The following TADA3 variants were observed in gnomAD, a reference collection of about 807,000 sequenced individuals.
The protein encoded by TADA3 is transcriptional adaptor 3, also known as transcriptional adapter 3.
Under a neutral mutation model 43.2 loss-of-function variants are expected in TADA3, and 25 were observed. The ratio of observed to expected loss-of-function variants is 0.58; its 90% CI spans 0.42 to 0.81. The LOEUF is 0.81. TADA3 is among the 30% of genes least tolerant of loss of function. TADA3 has a pLI of 0.00. For synonymous variants in TADA3, 235 were observed against 225.5 expected (o/e 1.04, Z -0.38); for missense variants, 441 against 567.8 (o/e 0.78, Z 2.27).
In TADA3 at chr3:9,787,998, A is replaced by G; in HGVS notation, c.565-658T>C. ...CTTGGTGGGACTGGTCAACACGGCA[A>G]TGAAGAGGGATATGGCCGAGGAAAA... On this transcript the variant is annotated intron_variant, in intron 4 of 8. Transcript: ENST00000301964. The G allele has an allele frequency of 1.3e-5, 4 of 316,246 alleles. 1 individual carries two copies. Among genetic ancestry groups the G allele is most frequent in the South Asian group, 1.0e-4 (4 of 38,426 alleles). 19.6% of individuals were successfully genotyped at this position (316,246 alleles called of 1,614,324 possible).
intron 7 of TADA3, 60 bp downstream of exon 7, chr3:9,785,256 T>C (rs912152942): frequency 4.4e-6 from 6 of 1,378,760 alleles, no homozygotes; most frequent in African/African-American, 1.4e-5. Context: ...CAGGTTGAGA[T>C]GGAGAGAAGC....
chr3:9,785,028 T>A (rs1575299335), intron 7 of TADA3, among the ~76,000 whole-genome samples: 1 of 151,508 alleles, frequency 6.6e-6, no homozygotes, highest in African/African-American at 2.5e-5. Flanking sequence ...GCTATATGAT[T>A]AATAGCCCCA....
intron 1 of TADA3, 50 bp from the exon 2 acceptor site, chr3:9,791,543 C>T (rs2078733510): frequency 8.5e-7 from 1 of 1,177,680 alleles, no homozygotes; most frequent in Non-Finnish European, 1.2e-6. Flanking sequence ...TGAGAAAAGC[C>T]CAAGGGCTTC....
chr3:9,788,687 A>G (rs1022521816), intron 4 of TADA3, among the ~76,000 whole-genome samples: 2 of 151,554 alleles, frequency 1.3e-5, no homozygotes, highest in African/African-American at 2.4e-5. Context: ...TTACAGGTGC[A>G]TGCCACCGTG....
At position 9,787,128 on chromosome 3, in the gene TADA3, G is replaced by A. The variant is rs780387978; in HGVS notation, c.707-19C>T. 6 of 1,614,204 alleles carry A rather than the reference G, an allele frequency of 3.7e-6. No homozygotes were observed. The South Asian group carries it at 6.6e-5, about 18-fold the overall frequency. ...TCCACATCTAAGCGGGCACAGGAAA[G>A]GAGGGGAGGTGGGCTGAAGTTCTGG... On this transcript the variant is annotated intron_variant, in intron 5 of 8. Transcript: ENST00000301964.
intron 3 of TADA3, 45 bp from the exon 4 acceptor site, chr3:9,789,659 G>C: frequency 6.2e-7 from 1 of 1,610,800 alleles, no homozygotes; most frequent in Non-Finnish European, 8.5e-7. Context: ...TGCCCCACCA[G>C]TGCCTCCACC....
chr3:9,792,500 A>G (rs2078763640), upstream of TADA3: 10 of 1,214,684 alleles, frequency 8.2e-6, no homozygotes, highest in African/African-American at 1.6e-5. Flanking sequence ...CTTGCAGTTG[A>G]CGCGGGGGCG....
At position 9,789,902 on chromosome 3, in the gene TADA3, T is replaced by C; in HGVS notation, c.269A>G (p.His90Arg). The change falls in exon 3 of 9, where the codon CAT becomes CGT. Residue 90 changes from histidine to arginine, a missense_variant. Transcript: ENST00000301964. ...DRRFLKLGRD[H>R]ELGAPPKHGK... is the part of the protein sequence containing the mutation. ...ATGTTTGGGGGGAGCTCCAAGTTCA[T>C]GGTCTCGACCCAGCTTCAGGAATCG... 1 of 1,614,162 alleles carries C rather than the reference T, an allele frequency of 6.2e-7. No homozygotes were observed. Among genetic ancestry groups the C allele is most frequent in the Non-Finnish European group, 8.5e-7 (1 of 1,180,014 alleles).
Position 9,791,359 on chromosome 3 carries a change from A to G in TADA3, c.108T>C (p.Asp36=), listed in dbSNP as rs750961571. The G allele has an allele frequency of 1.2e-6, 2 of 1,614,230 alleles. No individual in the cohort carries two copies. The highest frequency in any genetic ancestry group is 2.2e-5 in the South Asian group (2 of 91,088). ...TGTCCAGCTCCTCGATGCCGATGCC[A>G]TCATCCTCAGAGCGTGCCAGCACTG... ...YTAVLARSED[D]GIGIEELDTL... Residue 36 remains aspartate, a synonymous_variant, in exon 2 of 9, where the codon GAT becomes GAC. Transcript: ENST00000301964.
chr3:9,785,295 T>C, intron 7 of TADA3, 21 bp downstream of exon 7: 1 of 1,584,176 alleles, frequency 6.3e-7, no homozygotes, highest in East Asian at 2.3e-5. Context: ...GACTGTGGGT[T>C]GTGGATAGGA....
Position 9,789,549 on chromosome 3 carries a change from T to A in TADA3, c.524A>T (p.Glu175Val), listed in dbSNP as rs1404776921. 6.2e-7 allele frequency: 1 copy of A among 1,614,118 alleles called. No homozygotes were observed. Among genetic ancestry groups the A allele is most frequent in the Non-Finnish European group, 8.5e-7 (1 of 1,180,004 alleles). ...CTCATCTTCTGGGGGCTTCAGTAAC[T>A]CCTCAAGTGTGCGGACCTCCTCGCT... ...ITSEEVRTLE[E>V]LLKPPEDEAE... The change falls in exon 4 of 9, where the codon GAG becomes GTG. Residue 175 changes from glutamate to valine, a missense_variant. Transcript: ENST00000301964.
At chr3:9,789,662 C>T in intron 3 of TADA3, 48 bp from the exon 4 acceptor site, 1 of 1,609,824 alleles carries the variant, frequency 6.2e-7, no homozygotes, top group Non-Finnish European at 8.5e-7. Flanking sequence ...CCCACCAGTG[C>T]CTCCACCACC....
chr3:9,780,687 G>A lies in TADA3; in HGVS notation c.1107-138C>T, dbSNP rs1444826787. ...GTCATACAGTCGTGACCAAAAAGCA[G>A]TTACTGACCTACACTTACATGGCAC... On this transcript the variant is annotated intron_variant, in intron 8 of 8. Transcript: ENST00000301964. 10 of 792,502 alleles carry A rather than the reference G, an allele frequency of 1.3e-5. No individual in the cohort carries two copies. The East Asian group carries it at 2.4e-4, about 19-fold the overall frequency. 49.1% of individuals were successfully genotyped at this position (792,502 alleles called of 1,614,324 possible).
At chr3:9,784,252 C>T in intron 7 of TADA3, 39 bp from the exon 8 acceptor site, 1 of 1,582,140 alleles carries the variant, frequency 6.3e-7, no homozygotes, top group Non-Finnish European at 8.6e-7. Flanking sequence ...CAAGAGCCAG[C>T]TTGGAGAAGG....
intron 8 of TADA3, among the ~76,000 whole-genome samples, chr3:9,782,471 A>G (rs889888294): frequency 3.3e-5 from 5 of 152,224 alleles, no homozygotes; most frequent in African/African-American, 1.2e-4. Context: ...CCCTCAGCAT[A>G]CATTAGTCAC....
chr3:9,782,429 G>A (rs2078497744), intron 8 of TADA3, among the ~76,000 whole-genome samples: 1 of 152,286 alleles, frequency 6.6e-6, no homozygotes, highest in Non-Finnish European at 1.5e-5. Context: ...ACACTTGAGA[G>A]AGTGTACATA....
intron 4 of TADA3, among the ~76,000 whole-genome samples, chr3:9,788,436 G>A (rs58380045): frequency 5.3e-5 from 8 of 151,744 alleles, no homozygotes; most frequent in African/African-American, 7.2e-5. Context: ...TAGTAGAGAC[G>A]GGGTTTCACC....
At position 9,787,313 on chromosome 3, in the gene TADA3, G is replaced by C; in HGVS notation, c.592C>G (p.Gln198Glu). The C allele has an allele frequency of 6.2e-7, 1 of 1,613,578 alleles. No individual in the cohort carries two copies. The highest frequency in any genetic ancestry group is 1.3e-5 in the African/African-American group (1 of 75,044). ...AGCAGGTCCTCCTGGGCCCAGCGCT[G>C]GGAGTAGTGCTTCCCCAGGGGTGGG... is the stretch of plus-strand genomic sequence containing the variant. ...KIPPLGKHYS[Q>E]RWAQEDLLEE... The change falls in exon 5 of 9, where the codon CAG becomes GAG. Residue 198 changes from glutamine (Q) to glutamate (E), a missense_variant. Coordinates refer to ENST00000301964, the MANE Select transcript of TADA3 (RefSeq NM_006354.5).
At position 9,784,083 on chromosome 3, in the gene TADA3, C is replaced by T. The variant is rs1277452104; in HGVS notation, c.1051G>A (p.Ala351Thr). The T allele has an allele frequency of 6.2e-7, 1 of 1,614,200 alleles. No homozygotes were observed. Among genetic ancestry groups the T allele is most frequent in the Non-Finnish European group, 8.5e-7 (1 of 1,180,024 alleles). Residue 351 changes from alanine to threonine, a missense_variant, in exon 8 of 9, where the codon GCT becomes ACT. Ala to Thr is a moderately conservative substitution (Grantham distance 58, BLOSUM62 0). Transcript: ENST00000301964. Reference protein sequence around the residue: ...EVLAELRKRQAELKALSAHNR... With the variant: ...EVLAELRKRQTELKALSAHNR... The stretch of plus-strand genomic sequence containing the variant: ...TGGGCACTAAGTGCCTTCAGCTCAG[C>T]CTGCCGTTTGCGAAGCTCAGCAAGG...
Sources: allele counts gnomAD v4.1 joint callset (sites outside exome capture counted in the v4.1 genomes callset), GRCh38; gene constraint gnomAD v4.1.1; transcripts MANE v1.5; gene names NCBI Gene and HGNC (gene_info 2026-07-23, HGNC 2026-07-21).